Variants in DMD observed in about 807,000 individuals in gnomAD.
The protein encoded by DMD is mutant dystrophin.
Under a neutral mutation model 330.1 loss-of-function variants are expected in DMD, and 63 were observed. The ratio of observed to expected loss-of-function variants is 0.19; its 90% confidence interval spans 0.16 to 0.24. The LOEUF (loss-of-function observed/expected upper bound fraction) is 0.24. DMD is among the 10% of genes least tolerant of loss of function. DMD has a pLI of 1.00. For missense variants in DMD, 3,344 were observed against 2,684.1 expected (o/e 1.25, Z -5.43); for synonymous variants, 1,223 against 959.8 (o/e 1.27, Z -5.07).
Position 32,504,698 on chromosome X carries a change from A to G in DMD, c.2293-2856T>C, listed in dbSNP as rs574141641. On this transcript the variant is annotated intron_variant, in intron 18 of 78. Transcript: ENST00000357033. The stretch of plus-strand genomic sequence containing the variant: ...GAACACAGCATTATGGTTGAAAACC[A>G]TGTTTTCTTGGATACACATGGATAT... Among the ~76,000 whole-genome samples the G allele has an allele frequency of 2.7e-4, 30 of 111,417 alleles. 1 individual carries two copies. Among genetic ancestry groups the G allele is most frequent in the African/African-American group, 8.8e-4 (27 of 30,579 alleles).
At position 32,217,627 on chromosome X, in the gene DMD, T is replaced by G. The variant is rs764776394; in HGVS notation, c.6291-564A>C. 6.4e-5 allele frequency among the ~76,000 whole-genome samples: 7 copies of G among 109,653 alleles called. No individual in the cohort carries two copies. The South Asian group carries it at 1.6e-3, about 24-fold the overall frequency. Reference sequence around the variant, plus strand: ...TATTGTGCTGTATATTTCAAAATAGTGAAAGAGAATTTTAAATTTTCTCAC... The same window carrying G: ...TATTGTGCTGTATATTTCAAAATAGGGAAAGAGAATTTTAAATTTTCTCAC... On this transcript the variant is annotated intron_variant, in intron 43 of 78. Transcript: ENST00000357033.
At chrX:31,694,254 A>G (rs1451619316) in intron 52 of DMD, among the ~76,000 whole-genome samples, 1 of 110,898 alleles carries the variant, frequency 9.0e-6, no homozygotes, top group African/African-American at 3.3e-5. Flanking sequence ...GAATCAACTC[A>G]AAATGGATTA....
chrX:32,376,599 CA>C (rs1195809000), intron 34 of DMD, among the ~76,000 whole-genome samples: 3 of 110,984 alleles, frequency 2.7e-5, no homozygotes, highest in Non-Finnish European at 5.7e-5. Context: ...GAAGGAACAG[CA>C]AGAATGCCTG....
At chrX:31,630,804 T>C (rs1251352213) in intron 54 of DMD, among the ~76,000 whole-genome samples, 2 of 111,906 alleles carry the variant, frequency 1.8e-5, no homozygotes, top group Non-Finnish European at 3.8e-5. Flanking sequence ...ATTTTACAAG[T>C]AACAATGACC....
chrX:31,293,246 T>TGTGC (rs1491287970), intron 62 of DMD, among the ~76,000 whole-genome samples: 147 of 91,131 alleles, frequency 1.6e-3, no homozygotes, highest in African/African-American at 5.9e-3. Flanking sequence ...TGTGTGTGTG[T>TGTGC]AATCTGGTTT....
intron 34 of DMD, among the ~76,000 whole-genome samples, chrX:32,374,099 T>A (rs952153623): frequency 1.4e-4 from 16 of 111,881 alleles, no homozygotes; most frequent in Non-Finnish European, 2.4e-4. Flanking sequence ...CGCTTGTATG[T>A]CTTCTTTCGA....
At chrX:32,680,513 G>A (rs1414556301) in intron 9 of DMD, among the ~76,000 whole-genome samples, 3 of 110,127 alleles carry the variant, frequency 2.7e-5, no homozygotes, top group Non-Finnish European at 5.7e-5. Context: ...TTCCTCTCAT[G>A]GAATGGTGAA....
chrX:31,311,181 T>C (rs2055490505), intron 62 of DMD, among the ~76,000 whole-genome samples: 1 of 109,789 alleles, frequency 9.1e-6, no homozygotes, highest in African/African-American at 3.3e-5. Flanking sequence ...ACAGACCATA[T>C]ATATTTGCCT....
chrX:31,645,314 A>T (rs2148531777), intron 54 of DMD, among the ~76,000 whole-genome samples: 1 of 111,977 alleles, frequency 8.9e-6, no homozygotes, highest in Admixed American at 9.5e-5. Context: ...AAAAGATTCA[A>T]TATGATTCAA....
At chrX:32,657,833 A>G (rs759229549) in intron 9 of DMD, among the ~76,000 whole-genome samples, 4 of 111,737 alleles carry the variant, frequency 3.6e-5, no homozygotes, top group Non-Finnish European at 7.5e-5. Context: ...TAATTTTCAA[A>G]TACGTCTCAT....
At chrX:31,476,412 T>TAC (rs1333747446) in intron 59 of DMD, among the ~76,000 whole-genome samples, 1 of 97,816 alleles carries the variant, frequency 1.0e-5, no homozygotes, top group African/African-American at 3.9e-5. Flanking sequence ...TATATATATA[T>TAC]ATATATATAC....
At chrX:31,212,975 A>T (rs2044912823) in intron 64 of DMD, among the ~76,000 whole-genome samples, 1 of 112,638 alleles carries the variant, frequency 8.9e-6, no homozygotes, top group Admixed American at 9.3e-5. Context: ...TGTATATTCT[A>T]TGTTGATGTA....
At chrX:31,833,271 G>GA (rs2093096566) in intron 49 of DMD, among the ~76,000 whole-genome samples, 1 of 73,691 alleles carries the variant, frequency 1.4e-5, no homozygotes, top group East Asian at 4.8e-4. Flanking sequence ...GGGGAGGAAG[G>GA]GGGAGAGAGA....
intron 48 of DMD, among the ~76,000 whole-genome samples, chrX:31,842,464 G>A (rs1433021508): frequency 8.9e-6 from 1 of 111,810 alleles, no homozygotes; most frequent in Non-Finnish European, 1.9e-5. Context: ...TCTACTGTGG[G>A]TAAAATGTTA....
intron 60 of DMD, among the ~76,000 whole-genome samples, chrX:31,432,503 C>T (rs965641079): frequency 3.6e-5 from 4 of 112,453 alleles, no homozygotes; most frequent in African/African-American, 9.7e-5. Flanking sequence ...TTGATAGTTT[C>T]GGAAGCAGTT....
intron 62 of DMD, among the ~76,000 whole-genome samples, chrX:31,289,899 TTTA>T (rs200740564): frequency 0.44 from 41,434 of 93,290 alleles, 7,811 homozygotes; most frequent in Middle Eastern, 0.56. Context: ...TATTATTCTG[TTTA>T]TTATTATTAT....
intron 7 of DMD, among the ~76,000 whole-genome samples, chrX:32,779,675 C>T (rs12013417): frequency 1.4e-5 from 1 of 73,082 alleles, no homozygotes; most frequent in Non-Finnish European, 2.5e-5. Context: ...TGAACTCATC[C>T]TTTTTTATGG....
chrX:32,217,738 G>A (rs1223440023), intron 43 of DMD, among the ~76,000 whole-genome samples: 1 of 110,630 alleles, frequency 9.0e-6, no homozygotes, highest in African/African-American at 3.3e-5. Context: ...ACACTGAAAC[G>A]TCACACTGTA....
intron 44 of DMD, among the ~76,000 whole-genome samples, chrX:31,995,342 T>C (rs1479598276): frequency 8.9e-6 from 1 of 111,933 alleles, no homozygotes; most frequent in Non-Finnish European, 1.9e-5. Flanking sequence ...CAAACATATG[T>C]ACAAGTGTCA....
Sources: allele counts gnomAD v4.1 joint callset (sites outside exome capture counted in the v4.1 genomes callset), GRCh38; gene constraint gnomAD v4.1.1; transcripts MANE v1.5; gene names NCBI Gene and HGNC (gene_info 2026-07-23, HGNC 2026-07-21).